Variants in CLIC5 observed in about 807,000 individuals in gnomAD.
CLIC5 encodes the protein chloride intracellular channel protein 5.
Under a neutral mutation model 24.7 loss-of-function variants are expected in CLIC5, and 20 were observed. The observed-to-expected ratio is 0.81, with a 90% CI of 0.57 to 1.18. CLIC5 has a LOEUF of 1.18. Ranked by LOEUF, CLIC5 falls within the 50% of genes most tolerant of loss-of-function variation. CLIC5 has a pLI of 0.00. For missense variants in CLIC5, 341 were observed against 326.1 expected (o/e 1.05, Z -0.35); for synonymous variants, 159 against 135.6 (o/e 1.17, Z -1.20).
At chr6:45,913,824 G>A in intron 5 of CLIC5, 1 of 1,231,102 alleles carries the variant, frequency 8.1e-7, no homozygotes, top group Non-Finnish European at 1.0e-6. Context: ...TGTGCACAAA[G>A]AAAAAATGCA....
chr6:45,937,384 C>G (rs1237475291), intron 4 of CLIC5: 1 of 152,182 alleles, frequency 6.6e-6, no homozygotes, highest in Non-Finnish European at 1.5e-5. Context: ...CATTACAAAC[C>G]TTGGTGATAT....
chr6:46,107,381 G>A, the CLIC5 span, among the ~76,000 whole-genome samples: 2 of 152,134 alleles, frequency 1.3e-5, no homozygotes, highest in Non-Finnish European at 1.5e-5. Flanking sequence ...TGTGCCTTCC[G>A]GCCTTGCTAG....
At chr6:46,106,838 T>A in the CLIC5 span, among the ~76,000 whole-genome samples, 11 of 152,252 alleles carry the variant, frequency 7.2e-5, no homozygotes, top group African/African-American at 2.7e-4. Context: ...GGGCTTTACC[T>A]ATGTGAGAAA....
Position 45,941,599 on chromosome 6 carries a change from G to T in CLIC5, c.354C>A (p.Ile118=), listed in dbSNP as rs766523811. 1.2e-6 allele frequency: 2 copies of T among 1,613,882 alleles called. No individual in the cohort carries two copies. The highest frequency in any genetic ancestry group is 8.5e-7 in the Non-Finnish European group (1 of 1,179,936). ...TGATGTAGGCAGAAAACTTGGAAAA[G>T]ATGTCGATGCCCGCTGTGTTGGATT... ...HRESNTAGID[I]FSKFSAYIKN... The change falls in exon 4 of 6, where the codon ATC becomes ATA. Residue 118 remains isoleucine (I), a synonymous_variant. Coordinates refer to ENST00000339561, the MANE Select transcript of CLIC5 (RefSeq NM_016929.5).
At chr6:46,055,880 AG>A (rs1369115927) in intron 1 of CLIC5, among the ~76,000 whole-genome samples, 1 of 152,252 alleles carries the variant, frequency 6.6e-6, no homozygotes, top group Non-Finnish European at 1.5e-5. Context: ...TACCTAGAGT[AG>A]CCAAACACAG....
At chr6:45,895,555 A>G (rs1165301091), downstream of CLIC5, among the ~76,000 whole-genome samples, 2 of 152,194 alleles carry the variant, frequency 1.3e-5, no homozygotes, top group African/African-American at 4.8e-5. Flanking sequence ...AGGGACTAGA[A>G]GGAAATGAAG....
exon 1 of CLIC5, chr6:46,080,310 G>A (rs1581927186): frequency 7.3e-7 from 1 of 1,363,322 alleles, no homozygotes; most frequent in Non-Finnish European, 1.0e-6. Context: ...AAGGGACAGA[G>A]GATGCTGCAC....
chr6:45,974,518 T>TAGAGAG (rs1765317088), intron 1 of CLIC5, among the ~76,000 whole-genome samples: 1 of 84,138 alleles, frequency 1.2e-5, no homozygotes, highest in African/African-American at 5.0e-5. Flanking sequence ...TATATATATA[T>TAGAGAG]ATATAGAGAG....
intron 1 of CLIC5, among the ~76,000 whole-genome samples, chr6:46,056,934 C>G (rs1768276898): frequency 6.6e-6 from 1 of 152,234 alleles, no homozygotes; most frequent in South Asian, 2.1e-4. Flanking sequence ...AAAGACCAAT[C>G]TGCTCCTCCC....
intron 2 of CLIC5, among the ~76,000 whole-genome samples, chr6:45,949,812 A>C (rs1764409943): frequency 1.3e-5 from 2 of 152,222 alleles, no homozygotes; most frequent in South Asian, 4.1e-4. Flanking sequence ...CTTTTCTCCT[A>C]ATAAATATCT....
chr6:46,088,051 T>C, the CLIC5 span, among the ~76,000 whole-genome samples: 1 of 152,030 alleles, frequency 6.6e-6, no homozygotes, highest in Admixed American at 6.6e-5. Flanking sequence ...ATTTGAAGGG[T>C]TTTGGGATTT....
chr6:45,986,434 C>T (rs1428399150), intron 1 of CLIC5, among the ~76,000 whole-genome samples: 3 of 152,184 alleles, frequency 2.0e-5, no homozygotes, highest in Non-Finnish European at 2.9e-5. Context: ...TCCTGCCATG[C>T]ATTCATTCTG....
chr6:46,091,158 C>T, the CLIC5 span, among the ~76,000 whole-genome samples: 1 of 152,190 alleles, frequency 6.6e-6, no homozygotes, highest in Non-Finnish European at 1.5e-5. Context: ...TATTTTAACA[C>T]ATGTATTGTA....
intron 1 of CLIC5, among the ~76,000 whole-genome samples, chr6:46,005,667 G>A (rs1221351230): frequency 6.6e-6 from 1 of 152,064 alleles, no homozygotes; most frequent in African/African-American, 2.4e-5. Context: ...TCATCTCTGA[G>A]GTGTTGGCAT....
chr6:45,935,802 A>G (rs149504658), intron 4 of CLIC5, among the ~76,000 whole-genome samples: 1 of 152,208 alleles, frequency 6.6e-6, no homozygotes, highest in Non-Finnish European at 1.5e-5. Flanking sequence ...AATCTGAGTA[A>G]TGGGTGGATT....
intron 1 of CLIC5, among the ~76,000 whole-genome samples, chr6:46,025,148 C>G (rs1184492570): frequency 6.6e-6 from 1 of 152,070 alleles, no homozygotes; most frequent in Non-Finnish European, 1.5e-5. Context: ...GGTGGTTCAA[C>G]CTCTCGGAGC....
At chr6:45,888,026 T>C (rs771458629) in intron 6 of CLIC5, among the ~76,000 whole-genome samples, 1 of 152,204 alleles carries the variant, frequency 6.6e-6, no homozygotes, top group Non-Finnish European at 1.5e-5. Flanking sequence ...CTTCAGAATA[T>C]AGTGTATGAC....
chr6:45,919,658 C>G (rs1017959013), intron 4 of CLIC5, among the ~76,000 whole-genome samples: 1 of 152,086 alleles, frequency 6.6e-6, no homozygotes, highest in Non-Finnish European at 1.5e-5. Context: ...GTCGAGGCCT[C>G]CAGGCAGGGT....
At chr6:45,933,572 T>G (rs989189615) in intron 4 of CLIC5, among the ~76,000 whole-genome samples, 9 of 152,214 alleles carry the variant, frequency 5.9e-5, no homozygotes, top group Admixed American at 2.6e-4. Context: ...AAGCACCTTA[T>G]TAGGACAAGT....
Sources: allele counts gnomAD v4.1 joint callset (sites outside exome capture counted in the v4.1 genomes callset), GRCh38; gene constraint gnomAD v4.1.1; transcripts MANE v1.5; gene names NCBI Gene and HGNC (gene_info 2026-07-23, HGNC 2026-07-21).